Variants in CDC27 observed in about 807,000 individuals in gnomAD.
CDC27 encodes the protein cell division cycle protein 27 homolog.
In CDC27, 27 loss-of-function variants were observed where a neutral mutation model predicts 109.7. That is an observed-to-expected ratio of 0.25 (90% CI 0.18 to 0.34). The LOEUF (loss-of-function observed/expected upper bound fraction) is 0.34. Among genes scored for constraint, CDC27 ranks in the 10% least tolerant of loss-of-function variants. The pLI, the probability that CDC27 is intolerant of heterozygous loss-of-function variation, is 1.00. For missense variants in CDC27, 579 were observed against 960.2 expected, an observed-to-expected ratio of 0.60 and a Z score of 5.25; for synonymous variants, 266 against 333.9, an observed-to-expected ratio of 0.80 and a Z score of 2.22.
At chr17:47,149,540 A>G (rs187991581) in intron 9 of CDC27, among the ~76,000 whole-genome samples, 44 of 152,096 alleles carry the variant, frequency 2.9e-4, no homozygotes, top group African/African-American at 1.0e-3. Flanking sequence ...AGAAATGTTA[A>G]AAAGAAGTCC....
At chr17:47,151,760 TC>T in intron 9 of CDC27, 45 bp downstream of exon 9, 1 of 1,427,320 alleles carries the variant, frequency 7.0e-7, no homozygotes. Context: ...ATGTAAAGAA[TC>T]AAGTTTTATG....
At chr17:47,189,053 G>C in intron 1 of CDC27, 93 bp downstream of exon 1, 1 of 1,528,292 alleles carries the variant, frequency 6.5e-7, no homozygotes, top group South Asian at 1.1e-5. Context: ...GAAGCAGCCG[G>C]GCCTAGGCCG....
Position 47,142,339 on chromosome 17 carries a change from A to C in CDC27, c.1268T>G (p.Ile423Arg), listed in dbSNP as rs1484823243. 3 of 1,532,160 alleles carry C rather than the reference A, an allele frequency of 2.0e-6. No homozygotes were observed. 94.9% of individuals were successfully genotyped at this position (1,532,160 alleles called of 1,614,324 possible). ...TTTTGTAATTTCCAGGCTATCATTT[A>C]TGTTAGGTTGAGTTATTCCTCCTTT... ...TNKGGITQPN[I>R]NDSLEITKLD... is the part of the protein sequence containing the mutation. Residue 423 changes from isoleucine to arginine, a missense_variant, in exon 11 of 19, where the codon ATA (isoleucine) becomes AGA (arginine). Around this residue, in one of 9 missense-constraint regions of CDC27, gnomAD observed 58 missense variants for 116.6 expected, o/e 0.50. Transcript: ENST00000066544.
Position 47,123,963 on chromosome 17 carries a change from GA to G in CDC27, c.2161-4del, listed in dbSNP as rs1402392869. On this transcript the variant is annotated splice_polypyrimidine_tract_variant and splice_region_variant and intron_variant, in intron 16 of 18. Coordinates refer to ENST00000066544, the MANE Select transcript of CDC27 (RefSeq NM_001256.6). ...TCTTCAAGTTCTTGTAAAGCAGACT[GA>G]AAAAGGCAAAGAAAAACCTTAAAGT... 5 of 1,581,252 alleles carry G rather than the reference GA, an allele frequency of 3.2e-6. No individual in the cohort carries two copies. The highest frequency in any genetic ancestry group is 2.4e-5 in the South Asian group (2 of 84,548).
Position 47,173,914 on chromosome 17 carries a change from G to A in CDC27, c.104-1850C>T, listed in dbSNP as rs191862447. On this transcript the variant is annotated intron_variant, in intron 2 of 18. Transcript: ENST00000066544. ...TCAAGCCCAGCCTGGCCAACATGGC[G>A]AAACCCCGTCTTCTACTAAAAATAC... Among the ~76,000 whole-genome samples, 38 of 152,290 alleles carry A rather than the reference G, an allele frequency of 2.5e-4. 1 individual carries two copies. The highest frequency in any genetic ancestry group is 2.1e-3 in the Admixed American group (32 of 15,296).
At chr17:47,187,298 T>A (rs931815463) in intron 1 of CDC27, among the ~76,000 whole-genome samples, 5 of 152,082 alleles carry the variant, frequency 3.3e-5, no homozygotes, top group Non-Finnish European at 5.9e-5. Flanking sequence ...TGCTTTTATT[T>A]TTTATTTATT....
chr17:47,160,008 T>G (rs2063448593), intron 4 of CDC27: 1 of 239,568 alleles, frequency 4.2e-6, no homozygotes, highest in South Asian at 4.7e-5. Flanking sequence ...CTTCTTTTTT[T>G]TTTTTTTCAA....
chr17:47,125,981 C>T (rs1451756421), intron 16 of CDC27, among the ~76,000 whole-genome samples: 1 of 152,200 alleles, frequency 6.6e-6, no homozygotes, highest in Non-Finnish European at 1.5e-5. Flanking sequence ...ACCAGCATGC[C>T]TATCCCCACC....
At chr17:47,133,568 T>C (rs2148830901) in intron 14 of CDC27, among the ~76,000 whole-genome samples, 1 of 151,454 alleles carries the variant, frequency 6.6e-6, no homozygotes, top group East Asian at 1.9e-4. Context: ...GCCTTCCGAG[T>C]AGCTGGGATT....
intron 1 of CDC27, chr17:47,188,892 T>C (rs915443198): frequency 2.9e-6 from 4 of 1,386,162 alleles, no homozygotes; most frequent in African/African-American, 2.9e-5. Context: ...TGGCCGGACG[T>C]TGGCTCGGAC....
At chr17:47,152,223 T>A (rs2148900552) in intron 8 of CDC27, among the ~76,000 whole-genome samples, 1 of 152,268 alleles carries the variant, frequency 6.6e-6, no homozygotes, top group Middle Eastern at 3.4e-3. Context: ...CCATCCTCCA[T>A]TTATTACATA....
At chr17:47,147,573 G>A (rs1359507811) in intron 9 of CDC27, among the ~76,000 whole-genome samples, 1 of 151,104 alleles carries the variant, frequency 6.6e-6, no homozygotes, top group Non-Finnish European at 1.5e-5. Context: ...CATCCTATAC[G>A]TTCAAAAACA....
chr17:47,173,463 A>G (rs192833478), intron 2 of CDC27, among the ~76,000 whole-genome samples: 127 of 151,998 alleles, frequency 8.4e-4, no homozygotes, highest in African/African-American at 3.0e-3. Context: ...TAAGTTAGAA[A>G]GTTTGATTTC....
rs949783838 is a variant in CDC27 at position 47,120,424 on chromosome 17, T to G, written c.*511A>C. The G allele has an allele frequency of 2.0e-5, 3 of 153,496 alleles. No homozygotes were observed. Among genetic ancestry groups the G allele is most frequent in the African/African-American group, 7.2e-5 (3 of 41,464 alleles). The allele number at this position is 153,496 out of a possible 1,614,324, so 9.5% of individuals were successfully genotyped here. A position where few individuals can be genotyped will look rare whatever the true frequency, so the allele number is the denominator to read the frequency against. On this transcript the variant is annotated 3_prime_UTR_variant, in exon 19 of 19. Transcript: ENST00000066544. ...CAAGTTTAAGGTAATTTACATTCCT[T>G]GGCAATCAAGTCACTGTTATAGGCA...
intron 1 of CDC27, among the ~76,000 whole-genome samples, chr17:47,183,183 T>A (rs985418689): frequency 1.3e-5 from 2 of 152,222 alleles, no homozygotes; most frequent in Admixed American, 6.5e-5. Flanking sequence ...ACAAGCGTTA[T>A]TTTTTATTTT....
At chr17:47,183,013 C>T (rs1412598950) in intron 1 of CDC27, among the ~76,000 whole-genome samples, 1 of 150,972 alleles carries the variant, frequency 6.6e-6, no homozygotes, top group Non-Finnish European at 1.5e-5. Flanking sequence ...AGCAAGACTC[C>T]CATCAAAAAA....
intron 9 of CDC27, among the ~76,000 whole-genome samples, chr17:47,148,464 C>G (rs1472351342): frequency 6.6e-6 from 1 of 152,026 alleles, no homozygotes; most frequent in Non-Finnish European, 1.5e-5. Flanking sequence ...ATACAAGTAC[C>G]TGGAGTCCCA....
chr17:47,142,769 C>T (rs988100462), intron 10 of CDC27, among the ~76,000 whole-genome samples: 1 of 152,174 alleles, frequency 6.6e-6, no homozygotes, highest in Non-Finnish European at 1.5e-5. Context: ...ACCTCTGCCT[C>T]CCGGGTTCAA....
chr17:47,159,706 C>T, intron 4 of CDC27: 1 of 418,012 alleles, frequency 2.4e-6, no homozygotes, highest in South Asian at 2.2e-5. Flanking sequence ...ACGCCTCGAA[C>T]CTGGTGCCCT....
Sources: allele counts gnomAD v4.1 joint callset (sites outside exome capture counted in the v4.1 genomes callset), GRCh38; gene constraint gnomAD v4.1.1; regional missense constraint gnomAD v4.1.1; transcripts MANE v1.5; gene names NCBI Gene and HGNC (gene_info 2026-07-23, HGNC 2026-07-21).